MEI4: variants seen among roughly 807,000 people sequenced by gnomAD.
The protein encoded by MEI4 is meiotic double-stranded break formation protein 4.
A neutral mutation model predicts 31.4 loss-of-function variants in MEI4; 27 were observed. That is an observed-to-expected ratio of 0.86 (90% CI 0.63 to 1.19). The LOEUF is 1.19. MEI4 is among the 50% of genes most tolerant of loss of function. The probability of loss-of-function intolerance (pLI) is 0.00; values close to 1 mark genes in which losing one functional copy is unlikely to be tolerated. For missense variants in MEI4, 329 were observed against 398.9 expected (o/e 0.82, Z 1.49); for synonymous variants, 122 against 145.4 (o/e 0.84, Z 1.16).
chr6:77,791,563 G>A (rs1582147608), intron 3 of MEI4, among the ~76,000 whole-genome samples: 1 of 149,196 alleles, frequency 6.7e-6, no homozygotes, highest in Non-Finnish European at 1.5e-5. Flanking sequence ...GATAGCATTG[G>A]GAGATATACC....
chr6:77,698,004 C>G (rs967240760), intron 2 of MEI4, among the ~76,000 whole-genome samples: 1 of 152,194 alleles, frequency 6.6e-6, no homozygotes, highest in South Asian at 2.1e-4. Flanking sequence ...TGAATTGATC[C>G]CTTTGCCATT....
intron 2 of MEI4, among the ~76,000 whole-genome samples, chr6:77,698,810 G>C (rs1766126926): frequency 1.3e-5 from 2 of 152,108 alleles, no homozygotes; most frequent in South Asian, 2.1e-4. Flanking sequence ...TCTGAACGTT[G>C]GCCTGCCTTG....
At chr6:77,818,676 G>A (rs1769745015) in intron 3 of MEI4, among the ~76,000 whole-genome samples, 1 of 152,006 alleles carries the variant, frequency 6.6e-6, no homozygotes, top group Non-Finnish European at 1.5e-5. Flanking sequence ...TTATTTAGTA[G>A]ATTTAACCTA....
intron 1 of MEI4, among the ~76,000 whole-genome samples, chr6:77,685,907 C>T (rs1769045733): frequency 6.6e-6 from 1 of 152,094 alleles, no homozygotes; most frequent in Non-Finnish European, 1.5e-5. Flanking sequence ...TTGTCCCCTC[C>T]AAATCTCATG....
intron 2 of MEI4, among the ~76,000 whole-genome samples, chr6:77,735,422 G>T (rs187896068): frequency 1.3e-3 from 194 of 151,876 alleles, no homozygotes; most frequent in Non-Finnish European, 2.4e-3. Flanking sequence ...CCAGTTGATC[G>T]CATCGGCTCC....
At chr6:77,850,016 CA>C (rs929720338) in intron 4 of MEI4, among the ~76,000 whole-genome samples, 2 of 151,986 alleles carry the variant, frequency 1.3e-5, no homozygotes, top group Non-Finnish European at 2.9e-5. Context: ...TAAACATGTT[CA>C]AATTAGTTAG....
At chr6:77,694,752 A>T (rs1410120866) in intron 2 of MEI4, among the ~76,000 whole-genome samples, 1 of 152,044 alleles carries the variant, frequency 6.6e-6, no homozygotes, top group Non-Finnish European at 1.5e-5. Context: ...TAGCAGCATG[A>T]TTTATAATCC....
intron 2 of MEI4, among the ~76,000 whole-genome samples, chr6:77,704,658 G>A (rs1766292947): frequency 6.6e-6 from 1 of 152,098 alleles, no homozygotes; most frequent in African/African-American, 2.4e-5. Context: ...GGCCCCCCAG[G>A]TGATTCTCAT....
intron 2 of MEI4, among the ~76,000 whole-genome samples, chr6:77,756,854 C>T (rs1767931509): frequency 6.6e-6 from 1 of 152,084 alleles, no homozygotes; most frequent in Non-Finnish European, 1.5e-5. Context: ...CTAAGCATTT[C>T]CCCTGATGAG....
intron 1 of MEI4, among the ~76,000 whole-genome samples, chr6:77,685,265 G>T (rs1327097738): frequency 6.6e-6 from 1 of 150,490 alleles, no homozygotes; most frequent in East Asian, 1.9e-4. Context: ...CCTTGTCAGG[G>T]GGATAGTTTG....
At chr6:77,789,862 C>G (rs540092347) in intron 3 of MEI4, among the ~76,000 whole-genome samples, 1 of 152,044 alleles carries the variant, frequency 6.6e-6, no homozygotes, top group Non-Finnish European at 1.5e-5. Flanking sequence ...CCTCAGGGAT[C>G]TAGAACTAGA....
Position 77,804,657 on chromosome 6 carries a change from G to A in MEI4, c.769-24274G>A, listed in dbSNP as rs566090966. ...ATTAGTAGTTCACATCCCTTTCTCT[G>A]TTCTAGAATCATTTGACCAGTTTCT... On this transcript the variant is annotated intron_variant, in intron 3 of 4. Transcript: ENST00000684080. Among the ~76,000 whole-genome samples the A allele has an allele frequency of 9.9e-4, 150 of 152,126 alleles. 1 individual carries two copies. The highest frequency in any genetic ancestry group is 3.6e-3 in the African/African-American group (148 of 41,516).
intron 3 of MEI4, among the ~76,000 whole-genome samples, chr6:77,774,687 T>C (rs1029308327): frequency 5.3e-5 from 8 of 152,018 alleles, no homozygotes; most frequent in African/African-American, 1.9e-4. Context: ...AGGATGTTAT[T>C]TGAATATTTG....
intron 4 of MEI4, among the ~76,000 whole-genome samples, chr6:77,921,706 G>T (rs536344448): frequency 7.2e-5 from 11 of 151,898 alleles, no homozygotes; most frequent in Admixed American, 4.6e-4. Context: ...CATTTGTAGG[G>T]TTATTAATTG....
At chr6:77,831,749 G>T (rs1195328174) in intron 4 of MEI4, among the ~76,000 whole-genome samples, 1 of 151,782 alleles carries the variant, frequency 6.6e-6, no homozygotes, top group African/African-American at 2.4e-5. Flanking sequence ...GGTTACCAGA[G>T]GCAGGGAAGG....
intron 3 of MEI4, among the ~76,000 whole-genome samples, chr6:77,778,887 G>A (rs1455344113): frequency 1.3e-5 from 2 of 152,070 alleles, no homozygotes; most frequent in African/African-American, 4.8e-5. Context: ...CCTGGAAGGA[G>A]AACAGTCTTG....
chr6:77,775,726 C>T (rs7741475), intron 3 of MEI4, among the ~76,000 whole-genome samples: 13,388 of 152,098 alleles, frequency 0.088, 1,815 homozygotes, highest in African/African-American at 0.29. Context: ...AGTAGGATTG[C>T]TGGATCAAAT....
intron 1 of MEI4, among the ~76,000 whole-genome samples, chr6:77,658,199 G>C (rs372805268): frequency 1.9e-4 from 29 of 152,294 alleles, no homozygotes; most frequent in Middle Eastern, 3.4e-3. Flanking sequence ...TGTTTTGCGG[G>C]CAGGGGGTGG....
chr6:77,683,414 G>A (rs1026636366), intron 1 of MEI4, among the ~76,000 whole-genome samples: 1 of 152,048 alleles, frequency 6.6e-6, no homozygotes, highest in Non-Finnish European at 1.5e-5. Flanking sequence ...TGCGTGGTGA[G>A]AACACTTAAG....
Sources: gnomAD v4.1 joint callset for allele counts (sites outside exome capture counted in the v4.1 genomes callset) on GRCh38, gnomAD v4.1.1 for gene constraint, MANE v1.5 for transcripts, NCBI Gene and HGNC (gene_info 2026-07-23, HGNC 2026-07-21) for gene names.